Variants in SSH2 observed in about 807,000 individuals in gnomAD.
SSH2 encodes the protein slingshot protein phosphatase 2, also known as protein phosphatase Slingshot homolog 2.
In SSH2, 37 loss-of-function variants were observed where a neutral mutation model predicts 135.2. The ratio of observed to expected loss-of-function variants is 0.27; its 90% confidence interval spans 0.21 to 0.36. The LOEUF (loss-of-function observed/expected upper bound fraction) is 0.36. SSH2 is among the 10% of genes least tolerant of loss of function. The pLI is 1.00. For missense variants in SSH2, 1,408 were observed against 1,765.3 expected (o/e 0.80, Z 3.63); for synonymous variants, 628 against 646.2 (o/e 0.97, Z 0.43).
At chr17:29,896,338 G>A (rs1376045009) in intron 1 of SSH2, among the ~76,000 whole-genome samples, 41 of 108,518 alleles carry the variant, frequency 3.8e-4, no homozygotes, top group Non-Finnish European at 6.6e-4. Context: ...TGTATAAAAT[G>A]TATTTTATAT....
chr17:29,814,594 T>C (rs879346405), intron 2 of SSH2, among the ~76,000 whole-genome samples: 2 of 152,010 alleles, frequency 1.3e-5, no homozygotes, highest in Non-Finnish European at 2.9e-5. Context: ...AGAAATCAGA[T>C]ATCATCAAAG....
chr17:29,812,777 C>T (rs555234214), intron 2 of SSH2, among the ~76,000 whole-genome samples: 119 of 152,100 alleles, frequency 7.8e-4, no homozygotes, highest in African/African-American at 2.8e-3. Context: ...GTAGTCCCAG[C>T]TACTCGGGAG....
rs56789691 is a variant in SSH2, at chr17:29,779,810, C to CAAAAAAAAAAAAAAAAA, written c.188+14067_188+14083dup. On this transcript the variant is annotated intron_variant, in intron 3 of 15. Coordinates refer to ENST00000540801, the MANE Select transcript of SSH2 (RefSeq NM_001282129.2). ...TGGGCGACAGAGTGAGACTCTGTCTCAAAAAAAAAAAAAAAAAAAAAAAAA... is the reference window on the plus strand; with the variant it reads ...TGGGCGACAGAGTGAGACTCTGTCTCAAAAAAAAAAAAAAAAAAAAAAAAAAAAAAAAAAAAAAAAAA... 1.5e-4 allele frequency among the ~76,000 whole-genome samples: 3 copies of CAAAAAAAAAAAAAAAAA among 19,610 alleles called. 1 individual carries two copies. Among genetic ancestry groups the CAAAAAAAAAAAAAAAAA allele is most frequent in the Non-Finnish European group, 2.6e-4 (3 of 11,666 alleles). The allele number at this position is 19,610 out of a possible 152,430, so 12.9% of individuals were successfully genotyped here. A position where few individuals can be genotyped will look rare whatever the true frequency, so the allele number is the denominator to read the frequency against.
At chr17:29,672,866 C>T (rs910248816) in intron 8 of SSH2, among the ~76,000 whole-genome samples, 13 of 152,072 alleles carry the variant, frequency 8.5e-5, no homozygotes, top group Admixed American at 6.6e-5. Context: ...GCCACTACAC[C>T]GGGCTGATTT....
chr17:29,852,686 G>C (rs2065585320), intron 1 of SSH2, among the ~76,000 whole-genome samples: 1 of 151,640 alleles, frequency 6.6e-6, no homozygotes, highest in African/African-American at 2.4e-5. Flanking sequence ...CGAGTAGCTG[G>C]GACTACAGGC....
At chr17:29,649,836 G>A (rs2036522346) in intron 13 of SSH2, among the ~76,000 whole-genome samples, 1 of 152,176 alleles carries the variant, frequency 6.6e-6, no homozygotes, top group Admixed American at 6.5e-5. Flanking sequence ...TGAGAATAAA[G>A]GAATAGGCTC....
In SSH2 at chr17:29,628,834, G is replaced by A. The variant is rs1270714730; in HGVS notation, c.*2007C>T. On this transcript the variant is annotated 3_prime_UTR_variant, in exon 16 of 16. Coordinates refer to ENST00000540801, the MANE Select transcript of SSH2 (RefSeq NM_001282129.2). ...TTCTGTCCAACCTGCTTCCTGGCAG[G>A]GATGTCAGACCCAGCCTTGGCTTCC... 6.6e-6 allele frequency: 1 copy of A among 152,176 alleles called. No homozygotes were observed. Among genetic ancestry groups the A allele is most frequent in the African/African-American group, 2.4e-5 (1 of 41,420 alleles). 9.4% of individuals were successfully genotyped at this position (152,176 alleles called of 1,614,324 possible). A position where few individuals can be genotyped will look rare whatever the true frequency, so the allele number is the denominator to read the frequency against.
intron 2 of SSH2, among the ~76,000 whole-genome samples, chr17:29,813,891 G>A (rs2042498157): frequency 6.6e-6 from 1 of 151,682 alleles, no homozygotes. Context: ...CAGCACTTTG[G>A]GAGGCCGAGG....
At chr17:29,793,052 C>T (rs904860533) in intron 3 of SSH2, among the ~76,000 whole-genome samples, 2 of 152,142 alleles carry the variant, frequency 1.3e-5, no homozygotes, top group African/African-American at 2.4e-5. Flanking sequence ...TCTGTATCAT[C>T]TAGAATGGCT....
chr17:29,919,765 T>G (rs74547323), intron 1 of SSH2, among the ~76,000 whole-genome samples: 2 of 151,404 alleles, frequency 1.3e-5, no homozygotes, highest in Non-Finnish European at 2.9e-5. Context: ...TAGGTGTTTT[T>G]TTTTTTTAAT....
chr17:29,767,092 T>C (rs778212613), intron 3 of SSH2, among the ~76,000 whole-genome samples: 6 of 152,218 alleles, frequency 3.9e-5, no homozygotes, highest in Non-Finnish European at 7.3e-5. Context: ...GTCTTTTCCA[T>C]GGAACTTTTC....
At chr17:29,805,357 A>G (rs2042325410) in intron 2 of SSH2, among the ~76,000 whole-genome samples, 1 of 151,830 alleles carries the variant, frequency 6.6e-6, no homozygotes, top group South Asian at 2.1e-4. Context: ...GGGTTTCACC[A>G]TGTTAGCCAG....
chr17:29,665,705 T>C (rs546810994), intron 11 of SSH2, among the ~76,000 whole-genome samples: 1 of 152,358 alleles, frequency 6.6e-6, no homozygotes, highest in South Asian at 2.1e-4. Context: ...TAATTATTCT[T>C]GTTAACTTTG....
At chr17:29,833,209 T>C (rs1042085548) in intron 2 of SSH2, among the ~76,000 whole-genome samples, 2 of 152,204 alleles carry the variant, frequency 1.3e-5, no homozygotes, top group African/African-American at 4.8e-5. Context: ...TATTATTGTA[T>C]TGGGGTTCAT....
At chr17:29,864,454 C>T (rs538738676) in intron 1 of SSH2, among the ~76,000 whole-genome samples, 42 of 151,794 alleles carry the variant, frequency 2.8e-4, no homozygotes, top group African/African-American at 9.6e-4. Context: ...TATAGATATA[C>T]TCATACTTTT....
intron 3 of SSH2, among the ~76,000 whole-genome samples, chr17:29,707,619 G>A (rs2039260117): frequency 6.6e-6 from 1 of 151,136 alleles, no homozygotes; most frequent in South Asian, 2.1e-4. Flanking sequence ...TCTGCCTCCT[G>A]GGCTCAAACG....
intron 1 of SSH2, among the ~76,000 whole-genome samples, chr17:29,851,869 A>AAAAAC (rs1163469204): frequency 2.0e-5 from 3 of 152,184 alleles, no homozygotes; most frequent in African/African-American, 7.2e-5. Context: ...TCCTGTGTCC[A>AAAAAC]AAAACAAAAC....
rs1466074370 is a variant in SSH2 at position 29,666,873 on chromosome 17, C to T, written c.1026G>A (p.Val342=). The T allele has an allele frequency of 6.2e-7, 1 of 1,613,946 alleles. No individual in the cohort carries two copies. The highest frequency in any genetic ancestry group is 8.5e-7 in the Non-Finnish European group (1 of 1,179,990). The change falls in exon 11 of 16, where the codon GTG becomes GTA. Residue 342 remains valine, a synonymous_variant. Coordinates refer to ENST00000540801, the MANE Select transcript of SSH2 (RefSeq NM_001282129.2). The part of the protein sequence containing the change: ...MDSPTQIFEH[V]FLGSEWNASN... The stretch of plus-strand genomic sequence containing the variant: ...AAGTGGCTTTAAAACTTACCAGGAA[C>T]ACATGCTCAAATATCTGTGTAGGGC...
intron 1 of SSH2, among the ~76,000 whole-genome samples, chr17:29,902,300 G>A (rs2066572342): frequency 6.6e-6 from 1 of 152,066 alleles, no homozygotes; most frequent in South Asian, 2.1e-4. Context: ...TTTGTTATGA[G>A]TGTGTCATAA....
Sources: allele counts gnomAD v4.1 joint callset (sites outside exome capture counted in the v4.1 genomes callset), GRCh38; gene constraint gnomAD v4.1.1; transcripts MANE v1.5; gene names NCBI Gene and HGNC (gene_info 2026-07-23, HGNC 2026-07-21).